SYNE3: variants seen among roughly 807,000 people sequenced by gnomAD.
The protein encoded by SYNE3 is nesprin-3.
Under a neutral mutation model 111.2 loss-of-function variants are expected in SYNE3, and 100 were observed. That is an observed-to-expected ratio of 0.90 (90% confidence interval 0.77 to 1.06). SYNE3 has a LOEUF of 1.06. Ranked by LOEUF, SYNE3 falls within the 50% of genes least tolerant of loss-of-function variation. The pLI is 0.00. For synonymous variants in SYNE3, 547 were observed against 533.9 expected, an observed-to-expected ratio of 1.02 and a Z score of -0.34; for missense variants, 1,160 against 1,240.3, an observed-to-expected ratio of 0.94 and a Z score of 0.97.
At chr14:95,431,364 C>T (rs562044950) in intron 17 of SYNE3, among the ~76,000 whole-genome samples, 27 of 152,262 alleles carry the variant, frequency 1.8e-4, no homozygotes, top group South Asian at 8.3e-4. Context: ...TGTTTCCTCG[C>T]GCTGAAAGTT....
intron 14 of SYNE3, 43 bp from the exon 15 acceptor site, chr14:95,437,024 C>A (rs745499387): frequency 1.2e-6 from 2 of 1,612,216 alleles, no homozygotes; most frequent in East Asian, 2.2e-5. Context: ...GTGAAAGAGC[C>A]CCCCTGGCCA....
At chr14:95,453,012 A>G (rs1887190291) in intron 6 of SYNE3, among the ~76,000 whole-genome samples, 1 of 152,080 alleles carries the variant, frequency 6.6e-6, no homozygotes, top group Non-Finnish European at 1.5e-5. Context: ...TCCACGTTTG[A>G]CCTTGATCTG....
At position 95,414,144 on chromosome 14, in the gene SYNE3, T is replaced by A. The variant is rs996210393; in HGVS notation, c.*3682A>T. 6.6e-6 allele frequency: 1 copy of A among 152,254 alleles called. No individual in the cohort carries two copies. The highest frequency in any genetic ancestry group is 2.4e-5 in the African/African-American group (1 of 41,452). 9.4% of individuals were successfully genotyped at this position (152,254 alleles called of 1,614,324 possible). A position where few individuals can be genotyped will look rare whatever the true frequency, so the allele number is the denominator to read the frequency against. On this transcript the variant is annotated 3_prime_UTR_variant, in exon 18 of 18. Coordinates refer to ENST00000682763, the MANE Select transcript of SYNE3 (RefSeq NM_152592.6). ...CCCAGGGAACTCCATTCCCAGAGGC[T>A]ACAGAGACTGCAACCTGGTAGAACC...
chr14:95,432,211 T>G, intron 16 of SYNE3, 94 bp from the exon 17 acceptor site: 1 of 1,429,844 alleles, frequency 7.0e-7, no homozygotes, highest in Non-Finnish European at 9.6e-7. Flanking sequence ...GGAATATTCG[T>G]TTTGTCAGGG....
At chr14:95,503,530 T>C (rs1285608481) in intron 1 of SYNE3, among the ~76,000 whole-genome samples, 1 of 152,038 alleles carries the variant, frequency 6.6e-6, no homozygotes, top group Non-Finnish European at 1.5e-5. Context: ...ACCATTAATA[T>C]TTGCTGAATG....
At chr14:95,435,478 G>A (rs181660665) in intron 15 of SYNE3, among the ~76,000 whole-genome samples, 217 of 152,228 alleles carry the variant, frequency 1.4e-3, no homozygotes, top group African/African-American at 4.3e-3. Flanking sequence ...GAGACATAAA[G>A]CACACAGTGA....
In SYNE3 at chr14:95,417,741, T is replaced by G; in HGVS notation, c.*85A>C. ...CTGCAGTCTTTGCCCTGCCCCTGTT[T>G]CCAGTTTCCCTGGCGAGCATCCTCA... is the stretch of plus-strand genomic sequence containing the variant. On this transcript the variant is annotated 3_prime_UTR_variant, in exon 18 of 18. Coordinates refer to ENST00000682763, the MANE Select transcript of SYNE3 (RefSeq NM_152592.6). 2.8e-6 allele frequency: 4 copies of G among 1,449,768 alleles called. No homozygotes were observed. Among genetic ancestry groups the G allele is most frequent in the Non-Finnish European group, 3.9e-6 (4 of 1,031,774 alleles). The allele number at this position is 1,449,768 out of a possible 1,614,324, so 89.8% of individuals were successfully genotyped here.
chr14:95,469,194 T>C (rs1164500366), intron 2 of SYNE3, among the ~76,000 whole-genome samples: 1 of 152,144 alleles, frequency 6.6e-6, no homozygotes, highest in African/African-American at 2.4e-5. Context: ...GTCAGTGTCC[T>C]TAGACTGGCT....
At chr14:95,494,450 G>C (rs1381027439) in intron 1 of SYNE3, among the ~76,000 whole-genome samples, 1 of 152,192 alleles carries the variant, frequency 6.6e-6, no homozygotes, top group Admixed American at 6.5e-5. Context: ...CTGGGAGATG[G>C]GGAAGTGCAA....
intron 2 of SYNE3, among the ~76,000 whole-genome samples, chr14:95,471,235 G>A (rs1334701483): frequency 2.6e-5 from 4 of 152,212 alleles, no homozygotes; most frequent in Non-Finnish European, 5.9e-5. Flanking sequence ...TGGGGAAGAA[G>A]TGAAATTCCA....
At chr14:95,430,401 T>C (rs1885690919) in intron 17 of SYNE3, among the ~76,000 whole-genome samples, 1 of 152,128 alleles carries the variant, frequency 6.6e-6, no homozygotes, top group Non-Finnish European at 1.5e-5. Flanking sequence ...ATGAGAAGTG[T>C]GTTTGTTATT....
intron 1 of SYNE3, among the ~76,000 whole-genome samples, chr14:95,483,756 G>A (rs1327289479): frequency 6.6e-6 from 1 of 152,194 alleles, no homozygotes; most frequent in African/African-American, 2.4e-5. Flanking sequence ...TTAGAGGTGA[G>A]CAGACAGAGG....
intron 17 of SYNE3, among the ~76,000 whole-genome samples, chr14:95,418,894 G>A (rs559695148): frequency 2.6e-5 from 4 of 151,918 alleles, no homozygotes; most frequent in South Asian, 4.2e-4. Context: ...GAGCCACCGC[G>A]CCTGGCCCCT....
intron 5 of SYNE3, 89 bp downstream of exon 5, chr14:95,457,084 CAAAA>C (rs55934257): frequency 0.012 from 14,026 of 1,209,370 alleles, no homozygotes; most frequent in Admixed American, 0.019. Context: ...GACTCCATCT[CAAAA>C]AAAAAAAAAA....
chr14:95,475,865 A>T (rs768328507), intron 1 of SYNE3, 30 bp from the exon 2 acceptor site: 2 of 1,447,704 alleles, frequency 1.4e-6, no homozygotes, highest in South Asian at 3.1e-5. Context: ...TAAGGCCAAC[A>T]GGCAGGAATG....
intron 4 of SYNE3, among the ~76,000 whole-genome samples, chr14:95,464,062 T>C (rs535052890): frequency 6.6e-6 from 1 of 152,356 alleles, no homozygotes; most frequent in East Asian, 1.9e-4. Context: ...CGCCAGAGCC[T>C]TGTTCCTGGT....
rs1886322877 is a variant in SYNE3 at position 95,440,012 on chromosome 14, C to T, written c.1975G>A (p.Glu659Lys). ...GTCACAACGATCCACTGCCGCAGCT[C>T]CAGCAGCTGGTGGCTGAAGGTGCAG... is the stretch of plus-strand genomic sequence containing the variant. ...EHCTFSHQLL[E>K]LRQWIVVTTQ... is the part of the protein sequence containing the mutation. The change falls in exon 12 of 18, where the codon GAG becomes AAG. Residue 659 changes from glutamate to lysine, a missense_variant. By Grantham distance (56) the Glu-to-Lys change is moderately conservative. Coordinates refer to ENST00000682763, the MANE Select transcript of SYNE3 (RefSeq NM_152592.6). The T allele has an allele frequency of 2.5e-6, 4 of 1,612,684 alleles. No homozygotes were observed. Among genetic ancestry groups the T allele is most frequent in the Non-Finnish European group, 3.4e-6 (4 of 1,180,036 alleles).
chr14:95,423,537 T>G (rs2139349022), intron 17 of SYNE3, among the ~76,000 whole-genome samples: 1 of 86,824 alleles, frequency 1.2e-5, no homozygotes, highest in African/African-American at 5.3e-5. Flanking sequence ...TTGATGGGGA[T>G]GGGGATTTGA....
chr14:95,453,128 C>T (rs956892233), intron 6 of SYNE3, among the ~76,000 whole-genome samples: 2 of 152,182 alleles, frequency 1.3e-5, no homozygotes, highest in East Asian at 3.8e-4. Context: ...AGACCCACCT[C>T]TGTCTTTTCC....
Sources: allele counts gnomAD v4.1 joint callset (sites outside exome capture counted in the v4.1 genomes callset), GRCh38; gene constraint gnomAD v4.1.1; transcripts MANE v1.5; gene names NCBI Gene and HGNC (gene_info 2026-07-23, HGNC 2026-07-21).